STK3: variants seen among roughly 807,000 people sequenced by gnomAD.
STK3 encodes the protein serine/threonine kinase 3, also known as serine/threonine-protein kinase 3.
A neutral mutation model predicts 58.0 loss-of-function variants in STK3; 41 were observed. That is an observed-to-expected ratio of 0.71 (90% confidence interval 0.55 to 0.92). The LOEUF (loss-of-function observed/expected upper bound fraction) is 0.92, where lower values mean the gene tolerates loss of function less well. STK3 is among the 40% of genes least tolerant of loss of function. The pLI, the probability that STK3 is intolerant of heterozygous loss-of-function variation, is 0.00. For synonymous variants in STK3, 170 were observed against 191.0 expected (o/e 0.89, Z 0.91); for missense variants, 479 against 602.7 (o/e 0.79, Z 2.15).
chr8:98,541,287 G>A (rs369319114), intron 9 of STK3, among the ~76,000 whole-genome samples: 10 of 152,218 alleles, frequency 6.6e-5, no homozygotes, highest in African/African-American at 1.7e-4. Context: ...AGTTTCTAAC[G>A]GTTTAGCACC....
chr8:98,453,851 G>C (rs762661412), downstream of STK3, among the ~76,000 whole-genome samples: 1 of 152,096 alleles, frequency 6.6e-6, no homozygotes, highest in Non-Finnish European at 1.5e-5. Flanking sequence ...GCAAGATATC[G>C]AACAGGTTAG....
chr8:98,555,618 G>A (rs932565583), intron 8 of STK3, among the ~76,000 whole-genome samples: 2 of 152,034 alleles, frequency 1.3e-5, no homozygotes, highest in African/African-American at 2.4e-5. Flanking sequence ...CAATTCTAAC[G>A]AGTATGCATT....
intron 8 of STK3, among the ~76,000 whole-genome samples, chr8:98,569,671 T>C (rs931512198): frequency 1.3e-5 from 2 of 151,976 alleles, no homozygotes; most frequent in African/African-American, 4.8e-5. Flanking sequence ...AAATAACATG[T>C]AATGATAATA....
downstream of STK3, among the ~76,000 whole-genome samples, chr8:98,450,741 TC>T (rs1031053207): frequency 6.6e-6 from 1 of 152,232 alleles, no homozygotes; most frequent in African/African-American, 2.4e-5. Flanking sequence ...GCACCCTGCA[TC>T]CTTTTTCTAC....
At position 98,428,214 on chromosome 8, in the gene STK3, C is replaced by G; in HGVS notation, n.483+5913G>C. The G allele has an allele frequency of 1.9e-6, 3 of 1,614,130 alleles. No homozygotes were observed. The highest frequency in any genetic ancestry group is 2.5e-6 in the Non-Finnish European group (3 of 1,180,008). On this transcript the variant is annotated intron_variant and non_coding_transcript_variant, in intron 3 of 3. Coordinates refer to the STK3 transcript ENST00000517832. The surrounding 1 kb of genome is among the most constrained non-coding windows in gnomAD (Gnocchi z 6.7). ...CTTCGACCGCAACCCTGAGCTCTTC[C>G]CCTACGTGCTGCATTTCTATCACAC...
chr8:98,558,849 CTACA>C (rs752009249), intron 8 of STK3, among the ~76,000 whole-genome samples: 7 of 151,762 alleles, frequency 4.6e-5, no homozygotes, highest in Admixed American at 6.6e-5. Context: ...GAAATATCAC[CTACA>C]TAAACTTAGA....
intron 3 of STK3, among the ~76,000 whole-genome samples, chr8:98,841,304 TG>T (rs141067703): frequency 5.1e-4 from 77 of 152,358 alleles, no homozygotes; most frequent in African/African-American, 1.7e-3. Flanking sequence ...TTGTCTTGAT[TG>T]TGGTGATGGC....
chr8:98,637,017 T>A (rs1461933232), intron 6 of STK3, among the ~76,000 whole-genome samples: 1 of 152,036 alleles, frequency 6.6e-6, no homozygotes, highest in East Asian at 1.9e-4. Context: ...TTCTTATGAT[T>A]GAATTAGATC....
chr8:98,480,043 A>G (rs1821721281), intron 10 of STK3, among the ~76,000 whole-genome samples: 1 of 152,164 alleles, frequency 6.6e-6, no homozygotes, highest in Non-Finnish European at 1.5e-5. Context: ...CAATCTGAAG[A>G]GGAGAGAGAA....
At chr8:98,616,925 T>G (rs1436462228) in intron 6 of STK3, among the ~76,000 whole-genome samples, 1 of 151,990 alleles carries the variant, frequency 6.6e-6, no homozygotes, top group African/African-American at 2.4e-5. Context: ...TCAACAAGGA[T>G]ACCCAGGAAT....
intron 1 of STK3, among the ~76,000 whole-genome samples, chr8:98,798,097 T>A (rs2131610794): frequency 6.6e-6 from 1 of 152,286 alleles, no homozygotes; most frequent in Middle Eastern, 3.4e-3. Flanking sequence ...GCCATCCACA[T>A]GATACAGCAA....
chr8:98,898,499 G>T (rs1422252050), intron 1 of STK3, among the ~76,000 whole-genome samples: 1 of 152,146 alleles, frequency 6.6e-6, no homozygotes, highest in African/African-American at 2.4e-5. Context: ...CTCAGAAAAG[G>T]GGGCTGTAGG....
the STK3 span, among the ~76,000 whole-genome samples, chr8:98,359,189 A>G: frequency 6.6e-6 from 1 of 151,880 alleles, no homozygotes; most frequent in Non-Finnish European, 1.5e-5. Flanking sequence ...CAAAAGACAG[A>G]GTCACCCAAG....
intron 1 of STK3, among the ~76,000 whole-genome samples, chr8:98,816,718 G>C (rs1834569815): frequency 6.6e-6 from 1 of 152,050 alleles, no homozygotes; most frequent in South Asian, 2.1e-4. Context: ...ATTTTTAGTA[G>C]AGATGGGGTT....
At position 98,428,390 on chromosome 8, in the gene STK3, G is replaced by A. The variant is rs746045877; in HGVS notation, n.483+5737C>T. 3 of 1,614,180 alleles carry A rather than the reference G, an allele frequency of 1.9e-6. No homozygotes were observed. The highest frequency in any genetic ancestry group is 1.1e-5 in the South Asian group (1 of 91,086). ...AGCCCGAGCAGGAGAAGTGGGACGA[G>A]CAGAGTGACCAGGAGAGCACCACGT... On this transcript the variant is annotated intron_variant and non_coding_transcript_variant, in intron 3 of 3. Transcript: ENST00000517832. This position sits in a 1 kb window ranked among gnomAD's most constrained non-coding sequence, Gnocchi z 6.7.
chr8:98,596,241 C>T, intron 6 of STK3, 72 bp from the exon 7 acceptor site: 1 of 1,481,376 alleles, frequency 6.8e-7, no homozygotes, highest in Non-Finnish European at 9.1e-7. Flanking sequence ...ATCTCTTTAT[C>T]TGTCTTTTTA....
chr8:98,563,955 A>C (rs570062644), intron 8 of STK3, among the ~76,000 whole-genome samples: 3 of 152,152 alleles, frequency 2.0e-5, no homozygotes, highest in African/African-American at 4.8e-5. Context: ...CCACTTCTTA[A>C]ATGTGAGCTG....
At chr8:98,435,986 GTT>G (rs1353518733) in intron 2 of STK3, among the ~76,000 whole-genome samples, 1 of 152,148 alleles carries the variant, frequency 6.6e-6, no homozygotes, top group Non-Finnish European at 1.5e-5. Flanking sequence ...ACTTCCTTGT[GTT>G]TTCTCTGTGA....
At chr8:98,870,202 C>G (rs921087454) in intron 3 of STK3, among the ~76,000 whole-genome samples, 1 of 152,172 alleles carries the variant, frequency 6.6e-6, no homozygotes, top group Non-Finnish European at 1.5e-5. Flanking sequence ...GCATAGTATT[C>G]CATGGTGTAT....
Sources: gnomAD v4.1 joint callset for allele counts (sites outside exome capture counted in the v4.1 genomes callset) on GRCh38, gnomAD v4.1.1 for gene constraint, Gnocchi (gnomAD v3.1) non-coding constraint, MANE v1.5 for transcripts, NCBI Gene and HGNC (gene_info 2026-07-23, HGNC 2026-07-21) for gene names.